SESTD1: variants seen among roughly 807,000 people sequenced by gnomAD.
SESTD1 encodes the protein SEC14 domain and spectrin repeat-containing protein 1.
SESTD1 carries 43 observed loss-of-function variants against 101.7 expected under a neutral mutation model. That is an observed-to-expected ratio of 0.42 (90% CI 0.33 to 0.55). The LOEUF is 0.55. Among genes scored for constraint, SESTD1 ranks in the 20% least tolerant of loss-of-function variants. The pLI, the probability that SESTD1 is intolerant of heterozygous loss-of-function variation, is 0.07. For missense variants in SESTD1, 647 were observed against 815.1 expected (o/e 0.79, Z 2.51); for synonymous variants, 283 against 286.8 (o/e 0.99, Z 0.13).
intron 1 of SESTD1, among the ~76,000 whole-genome samples, chr2:179,243,138 G>A (rs2047179381): frequency 6.6e-6 from 1 of 151,950 alleles, no homozygotes. Flanking sequence ...GTGGGCAATA[G>A]ACATGAACAG....
At chr2:179,146,548 G>A (rs987728376) in intron 7 of SESTD1, 91 bp from the exon 8 acceptor site, 1 of 1,038,328 alleles carries the variant, frequency 9.6e-7, no homozygotes. Flanking sequence ...ACAGAACAGG[G>A]GCACAAAAGT....
intron 2 of SESTD1, among the ~76,000 whole-genome samples, chr2:179,185,753 T>C (rs1175226533): frequency 1.2e-4 from 15 of 127,630 alleles, no homozygotes; most frequent in Non-Finnish European, 2.0e-4. Flanking sequence ...TAGTATATTA[T>C]ATACAATATA....
At chr2:179,120,104 C>T (rs2044715088) in intron 13 of SESTD1, among the ~76,000 whole-genome samples, 1 of 152,070 alleles carries the variant, frequency 6.6e-6, no homozygotes, top group African/African-American at 2.4e-5. Context: ...TGGCACCCGC[C>T]TATAGTCCCA....
In SESTD1 at chr2:179,243,992, G is replaced by T. The variant is rs1485799356; in HGVS notation, c.-26+20507C>A. On this transcript the variant is annotated intron_variant, in intron 1 of 17. Coordinates refer to ENST00000428443, the MANE Select transcript of SESTD1 (RefSeq NM_178123.5). ...CACACACACACACACAAATGAGGTG[G>T]TGTACACTTGTATCCTAGCTACTTG... Among the ~76,000 whole-genome samples the T allele has an allele frequency of 1.3e-5, 2 of 150,660 alleles. 1 individual carries two copies. Among genetic ancestry groups the T allele is most frequent in the East Asian group, 3.9e-4 (2 of 5,148 alleles).
intron 1 of SESTD1, among the ~76,000 whole-genome samples, chr2:179,194,130 C>G (rs2046357108): frequency 6.6e-6 from 1 of 152,204 alleles, no homozygotes; most frequent in South Asian, 2.1e-4. Flanking sequence ...GCCACACCTT[C>G]TTCCCCTAAC....
chr2:179,229,984 A>C (rs2046958841), intron 1 of SESTD1, among the ~76,000 whole-genome samples: 2 of 150,556 alleles, frequency 1.3e-5, no homozygotes, highest in Non-Finnish European at 3.0e-5. Flanking sequence ...TAGTTGTTGC[A>C]ATCTTCATCT....
At chr2:179,191,239 G>C (rs2046314958) in intron 2 of SESTD1, among the ~76,000 whole-genome samples, 1 of 152,176 alleles carries the variant, frequency 6.6e-6, no homozygotes, top group South Asian at 2.1e-4. Context: ...AGAGTACTAT[G>C]CAGCTGTAAA....
chr2:179,192,188 A>T (rs1037576403), intron 1 of SESTD1, among the ~76,000 whole-genome samples: 3 of 152,164 alleles, frequency 2.0e-5, no homozygotes, highest in African/African-American at 7.2e-5. Context: ...TCTCAGAGCA[A>T]TACTCGGGCT....
intron 1 of SESTD1, among the ~76,000 whole-genome samples, chr2:179,248,546 T>C (rs1424531444): frequency 6.6e-6 from 1 of 152,112 alleles, no homozygotes; most frequent in African/African-American, 2.4e-5. Context: ...GGGGGGTTTA[T>C]TGCAGGGATG....
chr2:179,164,501 T>A (rs545707900), intron 5 of SESTD1, among the ~76,000 whole-genome samples: 6 of 152,172 alleles, frequency 3.9e-5, no homozygotes, highest in Non-Finnish European at 8.8e-5. Context: ...AGACAGAATA[T>A]AGACACTATC....
Position 179,146,403 on chromosome 2 carries a change from T to C in SESTD1, c.636A>G (p.Thr212=), listed in dbSNP as rs754935131. ...PSVDPETVLQ[T]GHELLSELQQ... ...TCACAAATATTTTTTAAATCTTACC[T>C]GTCTGAAGAACTGTTTCAGGATCAA... Residue 212 remains threonine, a splice_region_variant and synonymous_variant, in exon 8 of 18, where the codon ACA becomes ACG. Transcript: ENST00000428443. 14 of 1,610,584 alleles carry C rather than the reference T, an allele frequency of 8.7e-6. No homozygotes were observed. Among genetic ancestry groups the C allele is most frequent in the Non-Finnish European group, 1.2e-5 (14 of 1,177,912 alleles).
chr2:179,106,021 C>G lies in SESTD1; in HGVS notation c.*3878G>C, dbSNP rs1390527313. ...TTATCTCATCAGGGTATTTGTTGCTCTATATACCAGCATAGTATATTTTCT... is the reference window on the plus strand; with the variant it reads ...TTATCTCATCAGGGTATTTGTTGCTGTATATACCAGCATAGTATATTTTCT... On this transcript the variant is annotated 3_prime_UTR_variant, in exon 18 of 18. Coordinates refer to ENST00000428443, the MANE Select transcript of SESTD1 (RefSeq NM_178123.5). 6.6e-6 allele frequency: 1 copy of G among 152,146 alleles called. No homozygotes were observed. Among genetic ancestry groups the G allele is most frequent in the Non-Finnish European group, 1.5e-5 (1 of 68,028 alleles). 9.4% of individuals were successfully genotyped at this position (152,146 alleles called of 1,614,324 possible).
intron 1 of SESTD1, among the ~76,000 whole-genome samples, chr2:179,222,895 CA>C (rs1323565743): frequency 3.9e-5 from 6 of 152,082 alleles, no homozygotes; most frequent in Admixed American, 3.9e-4. Context: ...ATAATAAAAT[CA>C]AAATTAAAAA....
intron 13 of SESTD1, among the ~76,000 whole-genome samples, chr2:179,120,652 TTAAG>T (rs1267289944): frequency 2.6e-5 from 4 of 152,196 alleles, no homozygotes; most frequent in Admixed American, 6.5e-5. Context: ...TCTCTGAACT[TTAAG>T]TAAGATACAG....
At chr2:179,246,143 T>C (rs2047227077) in intron 1 of SESTD1, among the ~76,000 whole-genome samples, 1 of 149,638 alleles carries the variant, frequency 6.7e-6, no homozygotes, top group South Asian at 2.1e-4. Context: ...TAATCCCAGA[T>C]ACTCAGGAGG....
At chr2:179,187,784 C>T (rs1479243992) in intron 2 of SESTD1, among the ~76,000 whole-genome samples, 1 of 152,140 alleles carries the variant, frequency 6.6e-6, no homozygotes, top group African/African-American at 2.4e-5. Flanking sequence ...TCACTATTCT[C>T]ATATCAGAAA....
intron 1 of SESTD1, among the ~76,000 whole-genome samples, chr2:179,260,249 G>A (rs2047463145): frequency 6.6e-6 from 1 of 152,074 alleles, no homozygotes; most frequent in Non-Finnish European, 1.5e-5. Flanking sequence ...ATAAGAAAAC[G>A]GGCCAGGTGC....
At position 179,204,468 on chromosome 2, in the gene SESTD1, A is replaced by T. The variant is rs192549654; in HGVS notation, c.-25-12602T>A. Reference sequence around the variant, plus strand: ...GCTTAACAACGTAGAGCCAATCACTAATCAATGTTATTTCTGTGAACCAAT... The same window carrying T: ...GCTTAACAACGTAGAGCCAATCACTTATCAATGTTATTTCTGTGAACCAAT... On this transcript the variant is annotated intron_variant, in intron 1 of 17. Coordinates refer to ENST00000428443, the MANE Select transcript of SESTD1 (RefSeq NM_178123.5). Among the ~76,000 whole-genome samples, 371 of 134,552 alleles carry T rather than the reference A, an allele frequency of 2.8e-3. 71 individuals are homozygous for T. Among genetic ancestry groups the T allele is most frequent in the Non-Finnish European group, 4.4e-3 (273 of 62,630 alleles). The allele number at this position is 134,552 out of a possible 152,430, so 88.3% of individuals were successfully genotyped here.
intron 1 of SESTD1, among the ~76,000 whole-genome samples, chr2:179,200,380 C>G (rs899358134): frequency 1.3e-5 from 2 of 152,066 alleles, no homozygotes; most frequent in Admixed American, 1.3e-4. Context: ...CCATCCCCAT[C>G]AAGCTACCAA....
Sources: allele counts gnomAD v4.1 joint callset (sites outside exome capture counted in the v4.1 genomes callset), GRCh38; gene constraint gnomAD v4.1.1; transcripts MANE v1.5; gene names NCBI Gene and HGNC (gene_info 2026-07-23, HGNC 2026-07-21).